Variants in XKR6 observed in about 807,000 individuals in gnomAD.
XKR6 encodes the protein XK-related protein 6.
Under a neutral mutation model 56.7 loss-of-function variants are expected in XKR6, and 22 were observed. The ratio of observed to expected loss-of-function variants is 0.39; its 90% CI spans 0.28 to 0.55. The LOEUF (loss-of-function observed/expected upper bound fraction) is 0.55, where lower values mean the gene tolerates loss of function less well. Among genes scored for constraint, XKR6 ranks in the 20% least tolerant of loss-of-function variants. The probability of loss-of-function intolerance (pLI) is 0.66; values close to 1 mark genes in which losing one functional copy is unlikely to be tolerated. For missense variants in XKR6, 852 were observed against 889.0 expected, an observed-to-expected ratio of 0.96 and a Z score of 0.53; for synonymous variants, 524 against 387.8, an observed-to-expected ratio of 1.35 and a Z score of -4.13.
At chr8:10,977,556 T>C (rs887470437) in intron 1 of XKR6, among the ~76,000 whole-genome samples, 6 of 150,350 alleles carry the variant, frequency 4.0e-5, no homozygotes, top group African/African-American at 1.5e-4. Context: ...CCCCAGCCCA[T>C]TAGCATGAGC....
chr8:11,014,513 G>A (rs1002847422), intron 1 of XKR6, among the ~76,000 whole-genome samples: 3 of 152,106 alleles, frequency 2.0e-5, no homozygotes, highest in African/African-American at 7.2e-5. Flanking sequence ...CTTTCCTATG[G>A]GTTCCCTCCT....
At chr8:10,920,464 C>T (rs28664017) in intron 2 of XKR6, among the ~76,000 whole-genome samples, 2,295 of 152,342 alleles carry the variant, frequency 0.015, 62 homozygotes, top group African/African-American at 0.05. Flanking sequence ...GTGGGAGTCA[C>T]CCCAGCTTTC....
intron 1 of XKR6, among the ~76,000 whole-genome samples, chr8:11,079,493 A>C (rs557671589): frequency 6.6e-6 from 1 of 152,356 alleles, no homozygotes; most frequent in African/African-American, 2.4e-5. Flanking sequence ...TTGATGCAGC[A>C]TCCACATAAG....
intron 1 of XKR6, among the ~76,000 whole-genome samples, chr8:11,079,980 AATAAATAC>A (rs554984835): frequency 9.2e-5 from 14 of 152,098 alleles, no homozygotes; most frequent in South Asian, 2.1e-4. Flanking sequence ...AAAATAAATA[AATAAATAC>A]ATAAATACAT....
At chr8:11,179,844 A>T (rs1464613849) in intron 1 of XKR6, among the ~76,000 whole-genome samples, 1 of 152,220 alleles carries the variant, frequency 6.6e-6, no homozygotes, top group East Asian at 1.9e-4. Context: ...AGGACTTTTT[A>T]AAAAGTAGCC....
intron 1 of XKR6, among the ~76,000 whole-genome samples, chr8:11,001,158 C>T (rs1798230000): frequency 6.6e-6 from 1 of 152,172 alleles, no homozygotes; most frequent in South Asian, 2.1e-4. Flanking sequence ...GTGTTAGGTG[C>T]CATACACAAA....
chr8:11,158,169 A>T (rs1801617596), intron 1 of XKR6, among the ~76,000 whole-genome samples: 1 of 152,180 alleles, frequency 6.6e-6, no homozygotes, highest in Non-Finnish European at 1.5e-5. Context: ...GAAAGGCAAT[A>T]ATCAATCGTC....
At chr8:11,084,360 C>T (rs1440532961) in intron 1 of XKR6, among the ~76,000 whole-genome samples, 1 of 152,164 alleles carries the variant, frequency 6.6e-6, no homozygotes, top group Non-Finnish European at 1.5e-5. Context: ...CAAATAGAAA[C>T]TACTATATTG....
At chr8:10,976,196 C>A (rs1802553208) in intron 1 of XKR6, among the ~76,000 whole-genome samples, 1 of 151,928 alleles carries the variant, frequency 6.6e-6, no homozygotes, top group African/African-American at 2.4e-5. Context: ...AAAAGTGCCC[C>A]CCCCCAACCT....
Position 11,121,341 on chromosome 8 carries a change from G to GA in XKR6, c.764+79234dup, listed in dbSNP as rs1177314806. Among the ~76,000 whole-genome samples, 2 of 151,804 alleles carry GA rather than the reference G, an allele frequency of 1.3e-5. 1 individual carries two copies. Among genetic ancestry groups the GA allele is most frequent in the Admixed American group, 1.3e-4 (2 of 15,254 alleles). On this transcript the variant is annotated intron_variant, in intron 1 of 2. Transcript: ENST00000416569. ...ACAACGAACTCAAACAAATTTACAAGAAAAAAACAAACAACCCCATCAAAA... is the reference window on the plus strand; with the variant it reads ...ACAACGAACTCAAACAAATTTACAAGAAAAAAAACAAACAACCCCATCAAAA...
chr8:10,997,090 A>G (rs1016445832), intron 1 of XKR6, among the ~76,000 whole-genome samples: 4 of 152,198 alleles, frequency 2.6e-5, no homozygotes, highest in African/African-American at 9.7e-5. Flanking sequence ...CTTCTTTCCA[A>G]CAAGGTCATT....
At chr8:11,035,573 A>G (rs543511944) in intron 1 of XKR6, among the ~76,000 whole-genome samples, 1 of 152,354 alleles carries the variant, frequency 6.6e-6, no homozygotes, top group South Asian at 2.1e-4. Flanking sequence ...CTGAACTTCA[A>G]GAACCCAGCT....
At chr8:10,931,418 G>T (rs1362363848) in intron 1 of XKR6, among the ~76,000 whole-genome samples, 1 of 151,838 alleles carries the variant, frequency 6.6e-6, no homozygotes. Flanking sequence ...TTTAAATACA[G>T]ACAAGCCAAT....
intron 1 of XKR6, among the ~76,000 whole-genome samples, chr8:10,994,201 C>G (rs1586405459): frequency 6.6e-6 from 1 of 152,196 alleles, no homozygotes; most frequent in East Asian, 1.9e-4. Context: ...GAACTAAACC[C>G]TGGAGAAATT....
At chr8:11,133,043 G>A (rs1325369599) in intron 1 of XKR6, among the ~76,000 whole-genome samples, 1 of 152,116 alleles carries the variant, frequency 6.6e-6, no homozygotes, top group East Asian at 1.9e-4. Flanking sequence ...GACATCTAAT[G>A]TTATAGTGAG....
At chr8:10,997,823 G>T (rs550246408) in intron 1 of XKR6, among the ~76,000 whole-genome samples, 102 of 152,254 alleles carry the variant, frequency 6.7e-4, no homozygotes, top group Middle Eastern at 3.4e-3. Flanking sequence ...CACAAGCAGC[G>T]CTGCCTGGAA....
intron 1 of XKR6, among the ~76,000 whole-genome samples, chr8:11,059,250 G>A (rs1799765074): frequency 6.6e-6 from 1 of 152,260 alleles, no homozygotes; most frequent in South Asian, 2.1e-4. Flanking sequence ...GCGTCGTGTA[G>A]GCCGGGCCCA....
rs930992354 is a variant in XKR6 at position 11,077,216 on chromosome 8, C to T, written c.764+123360G>A. Among the ~76,000 whole-genome samples the T allele has an allele frequency of 7.2e-5, 11 of 152,100 alleles. No homozygotes were observed. The South Asian group carries it at 8.3e-4, about 11-fold the overall frequency. Reference sequence around the variant, plus strand: ...AGCATAAAGCATTGTGTCCAGCTGCCGGGAAGCCCAAGCAGCAGCGTGCAG... The same window carrying T: ...AGCATAAAGCATTGTGTCCAGCTGCTGGGAAGCCCAAGCAGCAGCGTGCAG... On this transcript the variant is annotated intron_variant, in intron 1 of 2. Coordinates refer to ENST00000416569, the MANE Select transcript of XKR6 (RefSeq NM_173683.4).
chr8:10,920,135 C>G (rs1800669760), intron 2 of XKR6, among the ~76,000 whole-genome samples: 1 of 151,980 alleles, frequency 6.6e-6, no homozygotes, highest in Non-Finnish European at 1.5e-5. Context: ...GTGATCTTTC[C>G]AAGCATCTAC....
Sources: allele counts gnomAD v4.1 joint callset (sites outside exome capture counted in the v4.1 genomes callset), GRCh38; gene constraint gnomAD v4.1.1; transcripts MANE v1.5; gene names NCBI Gene and HGNC (gene_info 2026-07-23, HGNC 2026-07-21).